Variants in CDC42BPB observed in about 807,000 individuals in gnomAD.
The protein encoded by CDC42BPB is serine/threonine-protein kinase MRCK beta.
A neutral mutation model predicts 214.9 loss-of-function variants in CDC42BPB; 37 were observed. That is an observed-to-expected ratio of 0.17 (90% CI 0.13 to 0.23). The LOEUF (loss-of-function observed/expected upper bound fraction) is 0.23. Among genes scored for constraint, CDC42BPB ranks in the 10% least tolerant of loss-of-function variants. The probability of loss-of-function intolerance (pLI) is 1.00; values close to 1 mark genes in which losing one functional copy is unlikely to be tolerated. For missense variants in CDC42BPB, 1,694 were observed against 2,227.0 expected, an observed-to-expected ratio of 0.76 and a Z score of 4.82; for synonymous variants, 931 against 884.0, an observed-to-expected ratio of 1.05 and a Z score of -0.94.
At chr14:103,042,435 C>G (rs967104398) in intron 1 of CDC42BPB, among the ~76,000 whole-genome samples, 4 of 152,102 alleles carry the variant, frequency 2.6e-5, no homozygotes, top group Admixed American at 6.5e-5. Flanking sequence ...CTCAGCCTCC[C>G]GAGTAGCTGG....
chr14:102,952,857 T>A (rs1892549420), intron 23 of CDC42BPB: 1 of 463,680 alleles, frequency 2.2e-6, no homozygotes, highest in Admixed American at 6.4e-5. Flanking sequence ...AAAAGCGAGG[T>A]CAGCTGGGCC....
chr14:102,950,978 T>C (rs1353445522), intron 24 of CDC42BPB, among the ~76,000 whole-genome samples: 7 of 151,416 alleles, frequency 4.6e-5, no homozygotes, highest in East Asian at 3.9e-4. Context: ...AAAAACAAAA[T>C]AAAACAAAAC....
intron 1 of CDC42BPB, among the ~76,000 whole-genome samples, chr14:103,050,478 T>C (rs1287215070): frequency 2.6e-5 from 4 of 152,186 alleles, no homozygotes; most frequent in African/African-American, 9.6e-5. Flanking sequence ...ATTCCTAACA[T>C]AGCGGAGCGC....
intron 36 of CDC42BPB, among the ~76,000 whole-genome samples, chr14:102,936,741 GC>G (rs1891661962): frequency 6.6e-6 from 1 of 152,230 alleles, no homozygotes; most frequent in Non-Finnish European, 1.5e-5. Context: ...TTCCACCTCA[GC>G]TTCACTAGTA....
At chr14:103,002,607 G>A (rs1022394318) in intron 4 of CDC42BPB, among the ~76,000 whole-genome samples, 4 of 152,118 alleles carry the variant, frequency 2.6e-5, no homozygotes, top group Non-Finnish European at 4.4e-5. Context: ...ACACTGAGCA[G>A]GAAGCGGGGG....
In CDC42BPB at chr14:103,008,454, T is replaced by C. The variant is rs368750849; in HGVS notation, c.351+18A>G. 26 of 1,543,644 alleles carry C rather than the reference T, an allele frequency of 1.7e-5. No homozygotes were observed. In the African/African-American group the frequency reaches 3.1e-4, roughly 19 times the overall value. ...ACCCCAAGCCCCATTTGTATGGCTT[T>C]TCAAGCTCCATACTTACCTCTGCTC... On this transcript the variant is annotated intron_variant, in intron 3 of 36. Coordinates refer to ENST00000361246, the MANE Select transcript of CDC42BPB (RefSeq NM_006035.4).
In CDC42BPB at chr14:102,957,408, A is replaced by G. The variant is rs376905907; in HGVS notation, c.2901+2223T>C. On this transcript the variant is annotated intron_variant, in intron 21 of 36. Coordinates refer to ENST00000361246, the MANE Select transcript of CDC42BPB (RefSeq NM_006035.4). ...TACTCTGTTAATGTTACAGAAAGCT[A>G]CCGCTTTCCTGGCCGCCTCCATTCA... 6.6e-5 allele frequency among the ~76,000 whole-genome samples: 10 copies of G among 152,090 alleles called. No individual in the cohort carries two copies. The East Asian group carries it at 1.5e-3, about 24-fold the overall frequency.
intron 7 of CDC42BPB, 192 bp from the exon 8 acceptor site, chr14:102,981,213 T>A (rs1893982305): frequency 1.0e-6 from 1 of 984,348 alleles, no homozygotes; most frequent in African/African-American, 1.7e-5. Flanking sequence ...TCCTTCTGGT[T>A]TTACTCATTG....
At chr14:103,037,958 G>C (rs912719764) in intron 1 of CDC42BPB, among the ~76,000 whole-genome samples, 4 of 151,580 alleles carry the variant, frequency 2.6e-5, no homozygotes, top group African/African-American at 9.7e-5. Context: ...GAACCCGGGA[G>C]ACGGAGCTTG....
intron 5 of CDC42BPB, among the ~76,000 whole-genome samples, chr14:102,997,085 C>T (rs947580785): frequency 2.0e-5 from 3 of 152,096 alleles, no homozygotes; most frequent in South Asian, 2.1e-4. Context: ...AACTCAGCAG[C>T]GCCCTTGCTC....
At chr14:103,039,736 T>C (rs1887878790) in intron 1 of CDC42BPB, among the ~76,000 whole-genome samples, 1 of 152,176 alleles carries the variant, frequency 6.6e-6, no homozygotes, top group African/African-American at 2.4e-5. Flanking sequence ...GTGCTGTTTC[T>C]ACCCTACACT....
At chr14:102,956,045 G>A (rs1265551113) in intron 21 of CDC42BPB, among the ~76,000 whole-genome samples, 6 of 152,166 alleles carry the variant, frequency 3.9e-5, no homozygotes, top group African/African-American at 1.4e-4. Flanking sequence ...CATAAACAAG[G>A]TATGTTAAGT....
intron 1 of CDC42BPB, among the ~76,000 whole-genome samples, chr14:103,025,089 A>C (rs1415245082): frequency 4.6e-5 from 7 of 152,236 alleles, no homozygotes; most frequent in Admixed American, 4.6e-4. Flanking sequence ...GCACAGTAAA[A>C]TACCAGCTGC....
chr14:102,995,870 C>A (rs35170380), intron 5 of CDC42BPB, among the ~76,000 whole-genome samples: 3,901 of 152,314 alleles, frequency 0.026, 176 homozygotes, highest in African/African-American at 0.09. Flanking sequence ...TCACAATGCC[C>A]CCACCTGAGA....
chr14:102,939,431 G>A (rs1891790294), intron 34 of CDC42BPB, among the ~76,000 whole-genome samples, 179 bp downstream of exon 34: 1 of 152,224 alleles, frequency 6.6e-6, no homozygotes. Flanking sequence ...CTTGTGACAG[G>A]GTAAGTGCTC....
intron 1 of CDC42BPB, chr14:103,041,784 C>T (rs976770388): frequency 1.1e-5 from 5 of 465,390 alleles, no homozygotes; most frequent in South Asian, 4.3e-5. Flanking sequence ...ACGAGTCCAC[C>T]GAGTCCCTGC....
chr14:103,042,748 A>G (rs1166911585), intron 1 of CDC42BPB, among the ~76,000 whole-genome samples: 1 of 152,214 alleles, frequency 6.6e-6, no homozygotes, highest in African/African-American at 2.4e-5. Flanking sequence ...AACCACAATG[A>G]GAAACGACTT....
intron 1 of CDC42BPB, among the ~76,000 whole-genome samples, chr14:103,047,903 CAA>C (rs376515642): frequency 7.8e-6 from 1 of 127,776 alleles, no homozygotes. Context: ...ACTCTGTGTC[CAA>C]AAAAAAAAGC....
rs1271109107 is a variant in CDC42BPB, at chr14:102,944,019, A to C, written c.4280T>G (p.Leu1427Arg). ...AFLSQQSFDA[L>R]CAVELESEEY... ...CTCGCTTTCGAGCTCCACAGCACAA[A>C]GGGCATCAAAAGACTGTTGTGAGAG... Residue 1427 changes from leucine to arginine, a missense_variant, in exon 30 of 37, where the codon CTT becomes CGT. This residue lies in a region of CDC42BPB where 567 missense variants were observed against 790.3 expected (regional missense o/e 0.72). Coordinates refer to ENST00000361246, the MANE Select transcript of CDC42BPB (RefSeq NM_006035.4). The surrounding 1 kb of genome is among the most constrained non-coding windows in gnomAD (Gnocchi z 6.6). 6.2e-7 allele frequency: 1 copy of C among 1,613,478 alleles called. No individual in the cohort carries two copies.
Sources: gnomAD v4.1 joint callset for allele counts (sites outside exome capture counted in the v4.1 genomes callset) on GRCh38, gnomAD v4.1.1 for gene constraint, gnomAD v4.1.1 regional missense constraint, Gnocchi (gnomAD v3.1) non-coding constraint, MANE v1.5 for transcripts, NCBI Gene and HGNC (gene_info 2026-07-23, HGNC 2026-07-21) for gene names.